Variants in KCND2 observed in about 807,000 individuals in gnomAD.
The protein encoded by KCND2 is A-type voltage-gated potassium channel KCND2.
Under a neutral mutation model 54.4 loss-of-function variants are expected in KCND2, and 16 were observed. The observed-to-expected ratio is 0.29, with a 90% CI of 0.20 to 0.45. The LOEUF (loss-of-function observed/expected upper bound fraction) is 0.45. Among genes scored for constraint, KCND2 ranks in the 20% least tolerant of loss-of-function variants. KCND2 has a pLI of 1.00. For synonymous variants in KCND2, 317 were observed against 310.7 expected (o/e 1.02, Z -0.21); for missense variants, 486 against 824.2 (o/e 0.59, Z 5.02).
At chr7:120,313,741 A>AT (rs386411129) in intron 1 of KCND2, among the ~76,000 whole-genome samples, 6,375 of 132,200 alleles carry the variant, frequency 0.048, 220 homozygotes, top group African/African-American at 0.071. Context: ...GTCTCCTGGG[A>AT]TTTTTTTTTT....
chr7:120,380,141 TCAGAAA>T, intron 1 of KCND2, among the ~76,000 whole-genome samples: 1 of 152,202 alleles, frequency 6.6e-6, no homozygotes, highest in Admixed American at 6.6e-5. Flanking sequence ...TAGATAACTT[TCAGAAA>T]CAGCTACTGC....
intron 1 of KCND2, among the ~76,000 whole-genome samples, chr7:120,518,968 T>C (rs1044906181): frequency 6.6e-6 from 1 of 152,060 alleles, no homozygotes; most frequent in African/African-American, 2.4e-5. Flanking sequence ...TATGTCAGAT[T>C]TGAAGCATAC....
chr7:120,500,140 A>G (rs1314383389), intron 1 of KCND2, among the ~76,000 whole-genome samples: 2 of 152,182 alleles, frequency 1.3e-5, no homozygotes, highest in African/African-American at 2.4e-5. Flanking sequence ...ATTAGAAACT[A>G]CTGTAGGAGG....
At chr7:120,323,921 TAA>T (rs1362232038) in intron 1 of KCND2, among the ~76,000 whole-genome samples, 1 of 85,310 alleles carries the variant, frequency 1.2e-5, no homozygotes, top group African/African-American at 4.0e-5. Flanking sequence ...ACCAACAGTG[TAA>T]AAGTGTTCCT....
chr7:120,391,243 G>A (rs188143456), intron 1 of KCND2, among the ~76,000 whole-genome samples: 2 of 152,174 alleles, frequency 1.3e-5, no homozygotes, highest in East Asian at 1.9e-4. Context: ...CAAAGGACAC[G>A]AACTCATTCT....
intron 1 of KCND2, among the ~76,000 whole-genome samples, chr7:120,714,521 A>G (rs964021779): frequency 6.6e-5 from 10 of 152,144 alleles, no homozygotes; most frequent in African/African-American, 2.4e-4. Context: ...TCAGCAGTGT[A>G]TATTAATTTA....
intron 1 of KCND2, among the ~76,000 whole-genome samples, chr7:120,664,851 A>T (rs1791906084): frequency 6.6e-6 from 1 of 152,098 alleles, no homozygotes; most frequent in Admixed American, 6.6e-5. Context: ...GCGTTAGGTA[A>T]ACTTTACTAT....
chr7:120,448,551 C>T (rs192869008), intron 1 of KCND2, among the ~76,000 whole-genome samples: 114 of 151,646 alleles, frequency 7.5e-4, no homozygotes, highest in African/African-American at 2.6e-3. Flanking sequence ...ACCCAGTAAA[C>T]GGATGTCTAA....
chr7:120,507,122 A>C (rs935416484), intron 1 of KCND2, among the ~76,000 whole-genome samples: 1 of 151,952 alleles, frequency 6.6e-6, no homozygotes, highest in African/African-American at 2.4e-5. Context: ...AAATGATCAT[A>C]GACCACATTC....
chr7:120,493,740 A>C, intron 1 of KCND2, among the ~76,000 whole-genome samples: 1 of 152,152 alleles, frequency 6.6e-6, no homozygotes, highest in East Asian at 1.9e-4. Flanking sequence ...AAGATGTGAA[A>C]TGATGCACAC....
At chr7:120,342,947 GA>G (rs1276405172) in intron 1 of KCND2, among the ~76,000 whole-genome samples, 22 of 152,098 alleles carry the variant, frequency 1.4e-4, no homozygotes, top group African/African-American at 4.8e-4. Flanking sequence ...GAATATCTTA[GA>G]AAGTGGTCTA....
intron 1 of KCND2, among the ~76,000 whole-genome samples, chr7:120,721,545 C>T (rs963851202): frequency 2.0e-5 from 3 of 152,150 alleles, no homozygotes; most frequent in African/African-American, 7.2e-5. Flanking sequence ...GATATAGAAA[C>T]TTTCTAGGTT....
chr7:120,416,970 C>G (rs1801533521), intron 1 of KCND2, among the ~76,000 whole-genome samples: 4 of 152,148 alleles, frequency 2.6e-5, no homozygotes, highest in Admixed American at 2.6e-4. Flanking sequence ...CTCAGCCTCC[C>G]AGGTAGCTGG....
At chr7:120,652,583 C>T (rs1265235487) in intron 1 of KCND2, among the ~76,000 whole-genome samples, 3 of 152,158 alleles carry the variant, frequency 2.0e-5, no homozygotes, top group African/African-American at 7.2e-5. Context: ...TAATTAGAAG[C>T]CCACCTCTCC....
In KCND2 at chr7:120,584,945, T is replaced by C. The variant is rs576371530; in HGVS notation, c.1116-147958T>C. Among the ~76,000 whole-genome samples the C allele has an allele frequency of 5.3e-5, 8 of 152,330 alleles. No homozygotes were observed. In the South Asian group the frequency reaches 1.7e-3, roughly 32 times the overall value. ...AAAGAAGAAAAATAGGGAAACATGA[T>C]TTTTTCAGTATATTTGCCTTAATTA... On this transcript the variant is annotated intron_variant, in intron 1 of 5. Transcript: ENST00000331113.
At chr7:120,659,787 G>A (rs1020155593) in intron 1 of KCND2, among the ~76,000 whole-genome samples, 8 of 152,120 alleles carry the variant, frequency 5.3e-5, no homozygotes, top group Admixed American at 2.0e-4. Context: ...GCAGAATCCC[G>A]CAGAACCTGC....
rs543950098 is a variant in KCND2, at chr7:120,292,811, C to T, written c.1115+17064C>T. Among the ~76,000 whole-genome samples, 5 of 151,908 alleles carry T rather than the reference C, an allele frequency of 3.3e-5. No homozygotes were observed. In the South Asian group the frequency reaches 1.0e-3, roughly 32 times the overall value. On this transcript the variant is annotated intron_variant, in intron 1 of 5. Coordinates refer to ENST00000331113, the MANE Select transcript of KCND2 (RefSeq NM_012281.3). The stretch of plus-strand genomic sequence containing the variant: ...CTTGGAGAAAACTATTATGTTCCTC[C>T]TTAGGCTTTTTTTGCTGGGGTTATC...
In KCND2 at chr7:120,273,481, G is replaced by A. The variant is rs1371779784; in HGVS notation, c.-1152G>A. On this transcript the variant is annotated 5_prime_UTR_variant, in exon 1 of 6. Coordinates refer to ENST00000331113, the MANE Select transcript of KCND2 (RefSeq NM_012281.3). Reference sequence around the variant, plus strand: ...AGGCTCCCGCGACAGTGGCCCCGCAGTAAGTTGGCAGGAGCGAGTCCCCTC... The same window carrying A: ...AGGCTCCCGCGACAGTGGCCCCGCAATAAGTTGGCAGGAGCGAGTCCCCTC... Among the ~76,000 whole-genome samples the A allele has an allele frequency of 1.3e-5, 2 of 151,230 alleles. No homozygotes were observed. The highest frequency in any genetic ancestry group is 3.9e-4 in the East Asian group (2 of 5,142).
intron 1 of KCND2, among the ~76,000 whole-genome samples, chr7:120,360,241 A>T (rs1405331186): frequency 6.6e-6 from 1 of 152,088 alleles, no homozygotes; most frequent in African/African-American, 2.4e-5. Flanking sequence ...GAGTGCTCTT[A>T]TAGGTTTTGC....
Sources: gnomAD v4.1 joint callset for allele counts (sites outside exome capture counted in the v4.1 genomes callset) on GRCh38, gnomAD v4.1.1 for gene constraint, MANE v1.5 for transcripts, NCBI Gene and HGNC (gene_info 2026-07-23, HGNC 2026-07-21) for gene names.